The following PLXNB1 variants were observed in gnomAD, a reference collection of about 807,000 sequenced individuals.
PLXNB1 encodes the protein plexin B1.
Under a neutral mutation model 209.4 loss-of-function variants are expected in PLXNB1, and 106 were observed. The observed-to-expected ratio is 0.51, with a 90% confidence interval of 0.43 to 0.59. PLXNB1 has a LOEUF of 0.59. PLXNB1 is among the 20% of genes least tolerant of loss of function. The probability of loss-of-function intolerance (pLI) is 0.00; values close to 1 mark genes in which losing one functional copy is unlikely to be tolerated. For missense variants in PLXNB1, 2,357 were observed against 2,853.2 expected, an observed-to-expected ratio of 0.83 and a Z score of 3.96; for synonymous variants, 1,167 against 1,183.2, an observed-to-expected ratio of 0.99 and a Z score of 0.28.
chr3:48,407,775 T>G (rs1480371887), intron 34 of PLXNB1, among the ~76,000 whole-genome samples: 8 of 152,222 alleles, frequency 5.3e-5, no homozygotes, highest in Non-Finnish European at 8.8e-5. Context: ...CTTGGCATTC[T>G]TTGTTCGGAC....
intron 25 of PLXNB1, 33 bp from the exon 26 acceptor site, chr3:48,412,653 T>C: frequency 1.2e-6 from 2 of 1,608,972 alleles, no homozygotes; most frequent in Non-Finnish European, 1.7e-6. Context: ...GGAAAAGGGG[T>C]TTAGGGGGAC....
Position 48,415,807 on chromosome 3 carries a change from T to C in PLXNB1, c.3618-48A>G. 4 of 1,509,154 alleles carry C rather than the reference T, an allele frequency of 2.7e-6. No individual in the cohort carries two copies. The highest frequency in any genetic ancestry group is 3.6e-6 in the Non-Finnish European group (4 of 1,118,844). The allele number at this position is 1,509,154 out of a possible 1,614,324, so 93.5% of individuals were successfully genotyped here. ...ATGCAGGGGCGCAGGCAGGGAAAACTTGGACCACTCAGGCCCCAACTGGCT... is the reference window on the plus strand; with the variant it reads ...ATGCAGGGGCGCAGGCAGGGAAAACCTGGACCACTCAGGCCCCAACTGGCT... On this transcript the variant is annotated intron_variant, in intron 18 of 37. Transcript: ENST00000296440. This position sits in a 1 kb window ranked among gnomAD's most constrained non-coding sequence, Gnocchi z 5.0.
In PLXNB1 at chr3:48,424,546, G is replaced by A. The variant is rs770239124; in HGVS notation, c.66C>T (p.Pro22=). ...TGGGAGTGAATGCAGTTGGTGGAAG[G>A]GGCTGGAGGGTGAGGACCCACCCGG... ...LWAGWVLTLQ[P]LPPTAFTPNG... Residue 22 remains proline (P), a synonymous_variant, in exon 3 of 38, where the codon CCC becomes CCT. Transcript: ENST00000296440. The A allele has an allele frequency of 8.9e-6, 14 of 1,574,328 alleles. No homozygotes were observed. The Admixed American group carries it at 2.2e-4, about 25-fold the overall frequency.
In PLXNB1 at chr3:48,406,258, A is replaced by T. The variant is rs775473233; in HGVS notation, c.6229-460T>A. On this transcript the variant is annotated intron_variant, in intron 36 of 37. Coordinates refer to ENST00000296440, the MANE Select transcript of PLXNB1 (RefSeq NM_001130082.3). This position sits in a 1 kb window ranked among gnomAD's most constrained non-coding sequence, Gnocchi z 4.4. ...TCCATGGGGACATCTCTGAGCCTCA[A>T]CTTCCTCACCTGGACGATGGAATTG... Among the ~76,000 whole-genome samples the T allele has an allele frequency of 1.3e-5, 2 of 152,198 alleles. No individual in the cohort carries two copies. The highest frequency in any genetic ancestry group is 2.9e-5 in the Non-Finnish European group (2 of 68,032).
intron 4 of PLXNB1, 149 bp from the exon 5 acceptor site, chr3:48,422,608 G>GA (rs2038606396): frequency 5.6e-6 from 7 of 1,252,000 alleles, no homozygotes; most frequent in African/African-American, 1.5e-5. Context: ...GGGGATGGAG[G>GA]AAAGTCACAG....
At position 48,410,690 on chromosome 3, in the gene PLXNB1, G is replaced by A; in HGVS notation, c.5417-132C>T. 2.1e-6 allele frequency: 2 copies of A among 951,712 alleles called. No homozygotes were observed. Among genetic ancestry groups the A allele is most frequent in the East Asian group, 2.6e-5 (1 of 38,124 alleles). 59.0% of individuals were successfully genotyped at this position (951,712 alleles called of 1,614,324 possible). On this transcript the variant is annotated intron_variant, in intron 29 of 37. Transcript: ENST00000296440. This position sits in a 1 kb window ranked among gnomAD's most constrained non-coding sequence, Gnocchi z 6.4. ...CTTACTCAACCTCTCCAAAGACCAAGAGCAGGGACCCCCTCCCCAGATGAG... is the reference window on the plus strand; with the variant it reads ...CTTACTCAACCTCTCCAAAGACCAAAAGCAGGGACCCCCTCCCCAGATGAG...
chr3:48,404,281 G>C lies in PLXNB1; in HGVS notation c.*205C>G, dbSNP rs1201336285. ...GTCGCTGGACTCGGGGAGCAGGCTG[G>C]GTACTACCCCATGAGCCTTGAGGCC... On this transcript the variant is annotated 3_prime_UTR_variant, in exon 38 of 38. Coordinates refer to ENST00000296440, the MANE Select transcript of PLXNB1 (RefSeq NM_001130082.3). The C allele has an allele frequency of 3.6e-6, 2 of 556,164 alleles. No individual in the cohort carries two copies. The highest frequency in any genetic ancestry group is 4.8e-5 in the South Asian group (2 of 41,712). 34.5% of individuals were successfully genotyped at this position (556,164 alleles called of 1,614,324 possible). A position where few individuals can be genotyped will look rare whatever the true frequency, so the allele number is the denominator to read the frequency against.
At chr3:48,421,423 G>A in intron 7 of PLXNB1, 39 bp from the exon 8 acceptor site, 1 of 1,512,408 alleles carries the variant, frequency 6.6e-7, no homozygotes, top group Non-Finnish European at 8.9e-7. Context: ...GGGGCTAGTG[G>A]GCAGCAGACC....
chr3:48,417,273 G>A lies in PLXNB1; in HGVS notation c.3374+638C>T, dbSNP rs2038162445. Among the ~76,000 whole-genome samples, 1 of 152,238 alleles carries A rather than the reference G, an allele frequency of 6.6e-6. No homozygotes were observed. Among genetic ancestry groups the A allele is most frequent in the South Asian group, 2.1e-4 (1 of 4,836 alleles). Reference sequence around the variant, plus strand: ...CCTCCTGAATCCAGATGTTTGTGTTGGTTTGGGACAGGATCTGCAGGTTAC... The same window carrying A: ...CCTCCTGAATCCAGATGTTTGTGTTAGTTTGGGACAGGATCTGCAGGTTAC... On this transcript the variant is annotated intron_variant, in intron 16 of 37. Coordinates refer to ENST00000296440, the MANE Select transcript of PLXNB1 (RefSeq NM_001130082.3). This position sits in a 1 kb window ranked among gnomAD's most constrained non-coding sequence, Gnocchi z 4.4.
chr3:48,415,917 C>A lies in PLXNB1; in HGVS notation c.3617+114G>T. 1 of 1,401,036 alleles carries A rather than the reference C, an allele frequency of 7.1e-7. No individual in the cohort carries two copies. Among genetic ancestry groups the A allele is most frequent in the South Asian group, 1.4e-5 (1 of 73,186 alleles). 86.8% of individuals were successfully genotyped at this position (1,401,036 alleles called of 1,614,324 possible). On this transcript the variant is annotated intron_variant, in intron 18 of 37. Coordinates refer to ENST00000296440, the MANE Select transcript of PLXNB1 (RefSeq NM_001130082.3). This position sits in a 1 kb window ranked among gnomAD's most constrained non-coding sequence, Gnocchi z 5.0. The stretch of plus-strand genomic sequence containing the variant: ...GCTGGCTAGGGAGGGTCTGGCCACT[C>A]TCTGAAGGAGCAGACTGGCCCTCTT...
Position 48,418,321 on chromosome 3 carries a change from C to T in PLXNB1, c.3092G>A (p.Arg1031His), listed in dbSNP as rs139674900. The T allele has an allele frequency of 1.5e-4, 238 of 1,613,668 alleles. 2 individuals carry two copies. The highest frequency in any genetic ancestry group is 1.4e-3 in the East Asian group (62 of 44,884). Residue 1031 changes from arginine (R) to histidine (H), a missense_variant, in exon 15 of 38, where the codon CGC becomes CAC. Arg to His is a conservative substitution (Grantham distance 29). Around this residue, in one of 7 missense-constraint regions of PLXNB1, gnomAD observed 743 missense variants for 896.2 expected, o/e 0.83. Coordinates refer to ENST00000296440, the MANE Select transcript of PLXNB1 (RefSeq NM_001130082.3). This position sits in a 1 kb window ranked among gnomAD's most constrained non-coding sequence, Gnocchi z 6.6. ...DCSVGHGDCS[R>H]CQTAMPQYGC... is the part of the protein sequence containing the mutation. The stretch of plus-strand genomic sequence containing the variant: ...ATACTGGGGCATGGCAGTTTGGCAG[C>T]GGCTGCAGTCTCCATGTCCCACGGA...
In PLXNB1 at chr3:48,417,442, C is replaced by T. The variant is rs564898438; in HGVS notation, c.3374+469G>A. 9.2e-5 allele frequency among the ~76,000 whole-genome samples: 14 copies of T among 152,322 alleles called. No homozygotes were observed. Among genetic ancestry groups the T allele is most frequent in the Admixed American group, 2.6e-4 (4 of 15,304 alleles). On this transcript the variant is annotated intron_variant, in intron 16 of 37. Transcript: ENST00000296440. The surrounding 1 kb of genome is among the most constrained non-coding windows in gnomAD (Gnocchi z 4.4). ...GGAAGGCAGCAGGGGTCCCTAGAGA[C>T]GACAGTGGAGCCTGGCCCTCGGCCA...
chr3:48,409,725 G>A lies in PLXNB1; in HGVS notation c.5785C>T (p.Leu1929=). 6.2e-7 allele frequency: 1 copy of A among 1,613,506 alleles called. No homozygotes were observed. The highest frequency in any genetic ancestry group is 1.1e-5 in the South Asian group (1 of 91,038). The change falls in exon 33 of 38, where the codon CTG becomes TTG. Residue 1929 remains leucine (L), a synonymous_variant. Coordinates refer to ENST00000296440, the MANE Select transcript of PLXNB1 (RefSeq NM_001130082.3). The surrounding 1 kb of genome is among the most constrained non-coding windows in gnomAD (Gnocchi z 5.8). The stretch of plus-strand genomic sequence containing the variant: ...AACAGGTCATCCACGAACTTCTGCA[G>A]GGTGCCCTGTGGGAAGGAAGAAGCA... ...LTRLLSMKGT[L]QKFVDDLFQV... is the part of the protein sequence containing the mutation.
At position 48,424,331 on chromosome 3, in the gene PLXNB1, G is replaced by C. The variant is rs1343371064; in HGVS notation, c.281C>G (p.Thr94Ser). The change falls in exon 3 of 38, where the codon ACC becomes AGC. Residue 94 changes from threonine (T) to serine (S), a missense_variant. By Grantham distance (58) the Thr-to-Ser change is moderately conservative. This residue lies in a region of PLXNB1 where 107 missense variants were observed against 167.2 expected (regional missense o/e 0.64). Transcript: ENST00000296440. ...CAGGAGCAGCTGATTCGGGTTGTTGGTAGGCTGGGCCTGGGGGCACTCATC... is the reference window on the plus strand; with the variant it reads ...CAGGAGCAGCTGATTCGGGTTGTTGCTAGGCTGGGCCTGGGGGCACTCATC... ...MPDECPQAQP[T>S]NNPNQLLLVS... The C allele has an allele frequency of 6.4e-7, 1 of 1,556,626 alleles. No homozygotes were observed. The highest frequency in any genetic ancestry group is 8.7e-7 in the Non-Finnish European group (1 of 1,149,840).
chr3:48,426,638 C>T (rs768932112), intron 1 of PLXNB1, among the ~76,000 whole-genome samples: 18 of 152,184 alleles, frequency 1.2e-4, no homozygotes, highest in African/African-American at 2.2e-4. Context: ...GGCCACAGCC[C>T]GGTGGGAGCA....
At position 48,413,504 on chromosome 3, in the gene PLXNB1, G is replaced by A; in HGVS notation, c.4535+166C>T. Reference sequence around the variant, plus strand: ...CCCTGGCTGCCTTTGTGCCACAGTGGCAAAGCTGAGTTGTTGAACAGAGAC... The same window carrying A: ...CCCTGGCTGCCTTTGTGCCACAGTGACAAAGCTGAGTTGTTGAACAGAGAC... On this transcript the variant is annotated intron_variant, in intron 23 of 37. Transcript: ENST00000296440. The surrounding 1 kb of genome is among the most constrained non-coding windows in gnomAD (Gnocchi z 5.4). 1 of 700,572 alleles carries A rather than the reference G, an allele frequency of 1.4e-6. No individual in the cohort carries two copies. Among genetic ancestry groups the A allele is most frequent in the Non-Finnish European group, 2.3e-6 (1 of 430,098 alleles). 43.4% of individuals were successfully genotyped at this position (700,572 alleles called of 1,614,324 possible).
In PLXNB1 at chr3:48,413,311, C is replaced by T. The variant is rs1006750098; in HGVS notation, c.4536-142G>A. The T allele has an allele frequency of 8.6e-6, 6 of 696,290 alleles. No individual in the cohort carries two copies. Among genetic ancestry groups the T allele is most frequent in the Non-Finnish European group, 1.3e-5 (5 of 399,108 alleles). 43.1% of individuals were successfully genotyped at this position (696,290 alleles called of 1,614,324 possible). A position where few individuals can be genotyped will look rare whatever the true frequency, so the allele number is the denominator to read the frequency against. The stretch of plus-strand genomic sequence containing the variant: ...AGCCAAGCTCAAGCCTAGCCCAGTA[C>T]GATTCAGCCTGTCCCGTCCCAAGCA... On this transcript the variant is annotated intron_variant, in intron 23 of 37. Coordinates refer to ENST00000296440, the MANE Select transcript of PLXNB1 (RefSeq NM_001130082.3). This position sits in a 1 kb window ranked among gnomAD's most constrained non-coding sequence, Gnocchi z 5.4.
rs1450896151 is a variant in PLXNB1, at chr3:48,419,798, C to T, written c.2488G>A (p.Gly830Arg). 6.3e-7 allele frequency: 1 copy of T among 1,595,240 alleles called. No homozygotes were observed. ...PATVPATTFP[G>R]AMGSVKPALD... ...GCGGGCTTCACGGAGCCCATGGCCCCTGGGAAAGTGGTGGCAGGAACAGTG... is the reference window on the plus strand; with the variant it reads ...GCGGGCTTCACGGAGCCCATGGCCCTTGGGAAAGTGGTGGCAGGAACAGTG... The change falls in exon 11 of 38, where the codon GGG becomes AGG. Residue 830 changes from glycine (G) to arginine (R), a missense_variant. Physicochemically the swap from Gly to Arg is moderately radical, Grantham distance 125. Coordinates refer to ENST00000296440, the MANE Select transcript of PLXNB1 (RefSeq NM_001130082.3). The surrounding 1 kb of genome is among the most constrained non-coding windows in gnomAD (Gnocchi z 5.7).
chr3:48,428,229 T>G (rs1476678317), intron 1 of PLXNB1, among the ~76,000 whole-genome samples: 3 of 152,200 alleles, frequency 2.0e-5, no homozygotes, highest in Non-Finnish European at 4.4e-5. Context: ...TTGGCCCCAC[T>G]TTTATTAATG....
Sources: gnomAD v4.1 joint callset for allele counts (sites outside exome capture counted in the v4.1 genomes callset) on GRCh38, gnomAD v4.1.1 for gene constraint, gnomAD v4.1.1 regional missense constraint, Gnocchi (gnomAD v3.1) non-coding constraint, MANE v1.5 for transcripts, NCBI Gene and HGNC (gene_info 2026-07-23, HGNC 2026-07-21) for gene names.